The following CTBP1 variants were observed in gnomAD, a reference collection of about 807,000 sequenced individuals.
The protein encoded by CTBP1 is C-terminal binding protein 1.
CTBP1 carries 11 observed loss-of-function variants against 42.1 expected under a neutral mutation model. The ratio of observed to expected loss-of-function variants is 0.26; its 90% CI spans 0.16 to 0.43. The LOEUF is 0.43. Among genes scored for constraint, CTBP1 ranks in the 20% least tolerant of loss-of-function variants. The pLI is 1.00. For synonymous variants in CTBP1, 324 were observed against 277.1 expected (o/e 1.17, Z -1.68); for missense variants, 399 against 624.3 (o/e 0.64, Z 3.85).
At position 1,249,056 on chromosome 4, in the gene CTBP1, G is replaced by T; in HGVS notation, c.-329C>A. On this transcript the variant is annotated 5_prime_UTR_variant, in exon 1 of 10. Coordinates refer to ENST00000382952, the MANE Select transcript of CTBP1 (RefSeq NM_001012614.2). The stretch of plus-strand genomic sequence containing the variant: ...CTCGGCGCCGTCCGCTGCTCCGCCC[G>T]CCCGCCTGCGCCTGGCCGCCGCCGT... 2 of 426,226 alleles carry T rather than the reference G, an allele frequency of 4.7e-6. No individual in the cohort carries two copies. The highest frequency in any genetic ancestry group is 6.2e-6 in the Non-Finnish European group (2 of 322,254). The allele number at this position is 426,226 out of a possible 1,614,324, so 26.4% of individuals were successfully genotyped here.
intron 1 of CTBP1, among the ~76,000 whole-genome samples, chr4:1,247,918 G>A (rs1373453465): frequency 6.6e-6 from 1 of 152,234 alleles, no homozygotes; most frequent in African/African-American, 2.4e-5. Context: ...CCACTGGAAG[G>A]GAATTCTGTC....
In CTBP1 at chr4:1,231,816, C is replaced by T. The variant is rs757864420; in HGVS notation, c.163-3473G>A. Among the ~76,000 whole-genome samples, 9 of 152,252 alleles carry T rather than the reference C, an allele frequency of 5.9e-5. No individual in the cohort carries two copies. In the South Asian group the frequency reaches 8.3e-4, roughly 14 times the overall value. ...TGCCAAAGCACCATCGAGACCGGCA[C>T]GGCCGTTTCTATCCCACATGAAGGG... On this transcript the variant is annotated intron_variant, in intron 3 of 9. Transcript: ENST00000382952.
intron 5 of CTBP1, among the ~76,000 whole-genome samples, chr4:1,222,323 C>T (rs1269161415): frequency 6.6e-6 from 1 of 152,030 alleles, no homozygotes; most frequent in Admixed American, 6.5e-5. Flanking sequence ...GGCTCGTGTC[C>T]CTAAGGACAG....
Position 1,222,037 on chromosome 4 carries a change from A to G in CTBP1, c.514+3323T>C, listed in dbSNP as rs535541960. Among the ~76,000 whole-genome samples the G allele has an allele frequency of 3.9e-5, 6 of 152,246 alleles. No individual in the cohort carries two copies. In the East Asian group the frequency reaches 9.7e-4, roughly 25 times the overall value. ...TTCCACATTCCTGTAGCCACCACAC[A>G]CGCGGATTCCACGCTAAGAACAACC... On this transcript the variant is annotated intron_variant, in intron 5 of 9. Transcript: ENST00000382952.
chr4:1,214,493 G>A lies in CTBP1; in HGVS notation c.730-20C>T, dbSNP rs898539604. ...TCTCATCTAGAAGACATAAGGACAGGCCAGGCCCAGTCAGGGATCCGCACA... is the reference window on the plus strand; with the variant it reads ...TCTCATCTAGAAGACATAAGGACAGACCAGGCCCAGTCAGGGATCCGCACA... On this transcript the variant is annotated intron_variant, in intron 6 of 9. Transcript: ENST00000382952. 26 of 1,555,496 alleles carry A rather than the reference G, an allele frequency of 1.7e-5. No homozygotes were observed. The highest frequency in any genetic ancestry group is 2.2e-5 in the Non-Finnish European group (25 of 1,158,262).
At position 1,216,072 on chromosome 4, in the gene CTBP1, G is replaced by A. The variant is rs1279630195; in HGVS notation, c.648C>T (p.Leu216=). Residue 216 remains leucine (L), a synonymous_variant, in exon 6 of 10, where the codon CTC becomes CTT. Coordinates refer to ENST00000382952, the MANE Select transcript of CTBP1 (RefSeq NM_001012614.2). ...LQRVSTLQDL[L]FHSDCVTLHC... is the part of the protein sequence containing the mutation. ...GCAGGGTCACGCAGTCGCTGTGGAA[G>A]AGCAGGTCCTGCAGGGTGCTGACAC... The A allele has an allele frequency of 1.2e-6, 2 of 1,611,544 alleles. No individual in the cohort carries two copies. Among genetic ancestry groups the A allele is most frequent in the Non-Finnish European group, 1.7e-6 (2 of 1,179,916 alleles).
At chr4:1,241,273 A>C in intron 2 of CTBP1, 52 bp downstream of exon 2, 2 of 787,278 alleles carry the variant, frequency 2.5e-6, no homozygotes, top group South Asian at 2.7e-5. Context: ...ACACGGTCGC[A>C]AAGAGACCGG....
At position 1,234,110 on chromosome 4, in the gene CTBP1, G is replaced by T. The variant is rs1365250602; in HGVS notation, c.162+4073C>A. Among the ~76,000 whole-genome samples, 7 of 152,176 alleles carry T rather than the reference G, an allele frequency of 4.6e-5. 1 individual carries two copies. The highest frequency in any genetic ancestry group is 1.4e-4 in the African/African-American group (6 of 41,428). ...CTCAATCCTTTGGCCACCCCTAGTG[G>T]CAAGAAAGCGTGGGCAGCCAAGTCC... On this transcript the variant is annotated intron_variant, in intron 3 of 9. Coordinates refer to ENST00000382952, the MANE Select transcript of CTBP1 (RefSeq NM_001012614.2).
intron 1 of CTBP1, among the ~76,000 whole-genome samples, chr4:1,246,435 T>C (rs963282551): frequency 1.3e-5 from 2 of 152,222 alleles, no homozygotes; most frequent in African/African-American, 4.8e-5. Flanking sequence ...CAGCCCCCAG[T>C]GGAGTGGGAA....
At chr4:1,245,103 C>T (rs189076164) in intron 1 of CTBP1, 7 of 984,330 alleles carry the variant, frequency 7.1e-6, no homozygotes, top group East Asian at 1.1e-4. Flanking sequence ...ACAGCTCCTC[C>T]GACGACAGCA....
chr4:1,218,301 G>C (rs1394072910), intron 5 of CTBP1: 1 of 152,110 alleles, frequency 6.6e-6, no homozygotes, highest in Non-Finnish European at 1.5e-5. Flanking sequence ...CTACTCGGGA[G>C]GCTGAGGCAG....
intron 3 of CTBP1, among the ~76,000 whole-genome samples, chr4:1,230,560 A>G (rs1220500433): frequency 6.6e-6 from 1 of 152,128 alleles, no homozygotes; most frequent in Admixed American, 6.5e-5. Context: ...CTGGATGTGC[A>G]GGGGCCACTT....
chr4:1,227,661 G>GTGTTCC (rs1730516443), intron 4 of CTBP1, among the ~76,000 whole-genome samples: 3 of 150,410 alleles, frequency 2.0e-5, no homozygotes, highest in African/African-American at 7.4e-5. Flanking sequence ...CATGGGTGCA[G>GTGTTCC]ATGAGTGTGC....
chr4:1,223,964 G>A (rs1730029302), intron 5 of CTBP1, among the ~76,000 whole-genome samples: 1 of 152,224 alleles, frequency 6.6e-6, no homozygotes, highest in Admixed American at 6.5e-5. Context: ...GGCAAATGAA[G>A]AGCGAGGGGT....
At chr4:1,224,173 ACGTG>A (rs935463414) in intron 5 of CTBP1, among the ~76,000 whole-genome samples, 3 of 152,158 alleles carry the variant, frequency 2.0e-5, no homozygotes, top group African/African-American at 7.2e-5. Context: ...CTATCTGCGT[ACGTG>A]CCCATGACTG....
In CTBP1 at chr4:1,218,882, T is replaced by C. The variant is rs115297938; in HGVS notation, c.515-2677A>G. 3.8e-3 allele frequency among the ~76,000 whole-genome samples: 584 copies of C among 152,110 alleles called. 3 individuals carry two copies. The highest frequency in any genetic ancestry group is 0.013 in the African/African-American group (545 of 41,452). ...GAAGGCCAGAAAGGAAAAACAAGGA[T>C]GAACAGAAAACACGTAGCCAGATGA... On this transcript the variant is annotated intron_variant, in intron 5 of 9. Transcript: ENST00000382952.
At chr4:1,227,234 C>T (rs145840156) in intron 4 of CTBP1, among the ~76,000 whole-genome samples, 3 of 151,060 alleles carry the variant, frequency 2.0e-5, no homozygotes, top group African/African-American at 4.9e-5. Flanking sequence ...AGCAGAGGTG[C>T]ATGTGTTCTG....
intron 1 of CTBP1, chr4:1,244,974 T>A: frequency 2.0e-6 from 2 of 985,354 alleles, no homozygotes; most frequent in Non-Finnish European, 2.4e-6. Context: ...TGCCCTGCAA[T>A]GGCAGAGAAG....
chr4:1,245,175 C>A lies in CTBP1; in HGVS notation c.-188-3656G>T, dbSNP rs368825690. 337 of 985,454 alleles carry A rather than the reference C, an allele frequency of 3.4e-4. 4 individuals are homozygous for A. In the South Asian group the frequency reaches 0.013, roughly 38 times the overall value. The allele number at this position is 985,454 out of a possible 1,614,324, so 61.0% of individuals were successfully genotyped here. On this transcript the variant is annotated intron_variant, in intron 1 of 9. Transcript: ENST00000382952. The stretch of plus-strand genomic sequence containing the variant: ...ATACGGCACCTTGGACGGCAGCATC[C>A]CTGTGAGCCAGGGAGCCACCGCACT...
Sources: allele counts gnomAD v4.1 joint callset (sites outside exome capture counted in the v4.1 genomes callset), GRCh38; gene constraint gnomAD v4.1.1; transcripts MANE v1.5; gene names NCBI Gene and HGNC (gene_info 2026-07-23, HGNC 2026-07-21).